The following ZNF521 variants were observed in gnomAD, a reference collection of about 807,000 sequenced individuals.
ZNF521 encodes LYST-interacting protein 3.
In ZNF521, 14 loss-of-function variants were observed where a neutral mutation model predicts 105.5. The observed-to-expected ratio is 0.13, with a 90% CI of 0.09 to 0.21. The LOEUF (loss-of-function observed/expected upper bound fraction) is 0.21. ZNF521 is among the 10% of genes least tolerant of loss of function. The pLI, the probability that ZNF521 is intolerant of heterozygous loss-of-function variation, is 1.00. For missense variants in ZNF521, 1,233 were observed against 1,629.7 expected (o/e 0.76, Z 4.19); for synonymous variants, 635 against 606.0 (o/e 1.05, Z -0.70).
Position 25,226,998 on chromosome 18 carries a change from T to C in ZNF521, c.920A>G (p.Glu307Gly), listed in dbSNP as rs1906192872. The part of the protein sequence containing the change: ...MNHMEQVHSG[E>G]KKNSCSICSE... ...ACAAATGCTGCATGAGTTCTTCTTC[T>C]CCCCGCTATGCACCTGCTCCATGTG... is the stretch of plus-strand genomic sequence containing the variant. Residue 307 changes from glutamate to glycine, a missense_variant, in exon 4 of 8, where the codon GAG becomes GGG. By Grantham distance (98) the Glu-to-Gly change is moderately conservative (BLOSUM62 -2). Coordinates refer to ENST00000361524, the MANE Select transcript of ZNF521 (RefSeq NM_015461.3). This position sits in a 1 kb window ranked among gnomAD's most constrained non-coding sequence, Gnocchi z 4.1. The C allele has an allele frequency of 1.9e-6, 3 of 1,614,048 alleles. No individual in the cohort carries two copies. In the East Asian group the frequency reaches 6.7e-5, roughly 36 times the overall value.
chr18:25,317,343 T>A (rs748114032), intron 3 of ZNF521, among the ~76,000 whole-genome samples: 33 of 152,184 alleles, frequency 2.2e-4, no homozygotes, highest in Non-Finnish European at 4.6e-4. Context: ...ATTAAAGTTG[T>A]ATGAGACAGG....
intron 3 of ZNF521, among the ~76,000 whole-genome samples, chr18:25,246,368 T>C (rs993758687): frequency 1.3e-5 from 2 of 152,338 alleles, no homozygotes; most frequent in African/African-American, 4.8e-5. Context: ...GTCCCTTTGT[T>C]TCAGTGCGTA....
chr18:25,181,667 C>T (rs1438487790), intron 5 of ZNF521, among the ~76,000 whole-genome samples: 1 of 152,126 alleles, frequency 6.6e-6, no homozygotes, highest in East Asian at 1.9e-4. Flanking sequence ...TGATTTTAAA[C>T]ATACATGCAA....
chr18:25,083,605 C>A (rs1402513035), intron 7 of ZNF521, among the ~76,000 whole-genome samples: 2 of 152,154 alleles, frequency 1.3e-5, no homozygotes, highest in African/African-American at 4.8e-5. Flanking sequence ...CAATTGATTA[C>A]ATATCACCTC....
intron 5 of ZNF521, among the ~76,000 whole-genome samples, chr18:25,131,596 T>C (rs1170794425): frequency 1.3e-5 from 2 of 152,170 alleles, no homozygotes; most frequent in Non-Finnish European, 2.9e-5. Context: ...GTGCCAAATT[T>C]GACCCAAGCT....
At chr18:25,314,216 G>C (rs1009309216) in intron 3 of ZNF521, among the ~76,000 whole-genome samples, 1 of 152,118 alleles carries the variant, frequency 6.6e-6, no homozygotes, top group Non-Finnish European at 1.5e-5. Context: ...GTTCTAAGCA[G>C]TTTCAATCTG....
intron 5 of ZNF521, among the ~76,000 whole-genome samples, chr18:25,103,161 TC>T (rs958296950): frequency 6.6e-6 from 1 of 152,062 alleles, no homozygotes; most frequent in African/African-American, 2.4e-5. Context: ...GAATTTTATC[TC>T]CCTAGATGGT....
At position 25,227,453 on chromosome 18, in the gene ZNF521, G is replaced by C; in HGVS notation, c.465C>G (p.Phe155Leu). Residue 155 changes from phenylalanine to leucine, a missense_variant, in exon 4 of 8, where the codon TTC becomes TTG. Around this residue, in one of 6 missense-constraint regions of ZNF521, gnomAD observed 85 missense variants for 162.2 expected, o/e 0.52. Coordinates refer to ENST00000361524, the MANE Select transcript of ZNF521 (RefSeq NM_015461.3). The surrounding 1 kb of genome is among the most constrained non-coding windows in gnomAD (Gnocchi z 5.7). ...GGCGATCTCGGCTGCGCTTGTGTTTGAACAGCCTACTGCAGTAGGTGCATT... is the reference window on the plus strand; with the variant it reads ...GGCGATCTCGGCTGCGCTTGTGTTTCAACAGCCTACTGCAGTAGGTGCATT... ...PFKCTYCSRL[F>L]KHKRSRDRHI... The C allele has an allele frequency of 6.2e-7, 1 of 1,613,640 alleles. No homozygotes were observed. Among genetic ancestry groups the C allele is most frequent in the Non-Finnish European group, 8.5e-7 (1 of 1,179,892 alleles).
intron 3 of ZNF521, among the ~76,000 whole-genome samples, chr18:25,263,243 C>T (rs777615175): frequency 2.6e-5 from 4 of 151,944 alleles, no homozygotes; most frequent in Admixed American, 6.6e-5. Flanking sequence ...GTGCCTGGCA[C>T]GTGGGAGACA....
intron 2 of ZNF521, among the ~76,000 whole-genome samples, chr18:25,329,658 G>A (rs1183249220): frequency 6.6e-6 from 1 of 152,214 alleles, no homozygotes. Context: ...GAGCAGGCTG[G>A]AAAAGCGGCT....
At chr18:25,160,012 A>C (rs907665615) in intron 5 of ZNF521, among the ~76,000 whole-genome samples, 3 of 152,236 alleles carry the variant, frequency 2.0e-5, no homozygotes, top group African/African-American at 7.2e-5. Context: ...AAAATGCTTA[A>C]GGAAATACTT....
chr18:25,238,350 T>C (rs1907068284), intron 3 of ZNF521, among the ~76,000 whole-genome samples: 1 of 152,224 alleles, frequency 6.6e-6, no homozygotes, highest in South Asian at 2.1e-4. Flanking sequence ...CTAACAACTC[T>C]ACAAACCTAT....
At chr18:25,272,640 T>C (rs1909737218) in intron 3 of ZNF521, among the ~76,000 whole-genome samples, 1 of 152,072 alleles carries the variant, frequency 6.6e-6, no homozygotes, top group Non-Finnish European at 1.5e-5. Context: ...GAAACCATCA[T>C]TCTCAGCAAA....
intron 7 of ZNF521, among the ~76,000 whole-genome samples, chr18:25,063,805 A>G (rs2144093201): frequency 6.6e-6 from 1 of 151,922 alleles, no homozygotes; most frequent in East Asian, 1.9e-4. Flanking sequence ...TTCTCTCACT[A>G]CTCACTTGTA....
chr18:25,283,767 C>T (rs1354601026), intron 3 of ZNF521, among the ~76,000 whole-genome samples: 10 of 152,086 alleles, frequency 6.6e-5, no homozygotes, highest in African/African-American at 2.2e-4. Flanking sequence ...TCATCATTGA[C>T]GGGAGTTTAA....
chr18:25,227,980 G>C lies in ZNF521; in HGVS notation c.221-283C>G, dbSNP rs1009203530. Among the ~76,000 whole-genome samples the C allele has an allele frequency of 2.6e-5, 4 of 152,068 alleles. No homozygotes were observed. Among genetic ancestry groups the C allele is most frequent in the Non-Finnish European group, 5.9e-5 (4 of 68,014 alleles). On this transcript the variant is annotated intron_variant, in intron 3 of 7. Coordinates refer to ENST00000361524, the MANE Select transcript of ZNF521 (RefSeq NM_015461.3). The surrounding 1 kb of genome is among the most constrained non-coding windows in gnomAD (Gnocchi z 5.7). ...TTTATCATTCTTCCTTAGAAGCAAGGTATATATTACACATTGACAATTTTA... is the reference window on the plus strand; with the variant it reads ...TTTATCATTCTTCCTTAGAAGCAAGCTATATATTACACATTGACAATTTTA...
intron 5 of ZNF521, among the ~76,000 whole-genome samples, chr18:25,123,131 C>G (rs1567971967): frequency 6.9e-6 from 1 of 144,934 alleles, no homozygotes; most frequent in Non-Finnish European, 1.5e-5. Flanking sequence ...TCTGTACTTA[C>G]AAATGACTCA....
intron 2 of ZNF521, among the ~76,000 whole-genome samples, chr18:25,334,435 C>G (rs1031231336): frequency 6.6e-6 from 1 of 152,178 alleles, no homozygotes. Flanking sequence ...TTCAGCCATA[C>G]TAACTGGATG....
chr18:25,165,350 A>T (rs73943984), intron 5 of ZNF521, among the ~76,000 whole-genome samples: 1 of 152,312 alleles, frequency 6.6e-6, no homozygotes, highest in African/African-American at 2.4e-5. Flanking sequence ...GCTCTCAATT[A>T]TACCAAAAAA....
Sources: gnomAD v4.1 joint callset for allele counts (sites outside exome capture counted in the v4.1 genomes callset) on GRCh38, gnomAD v4.1.1 for gene constraint, gnomAD v4.1.1 regional missense constraint, Gnocchi (gnomAD v3.1) non-coding constraint, MANE v1.5 for transcripts, NCBI Gene and HGNC (gene_info 2026-07-23, HGNC 2026-07-21) for gene names.